The following RAB38 variants were observed in gnomAD, a reference collection of about 807,000 sequenced individuals.
RAB38 encodes RAB38, member RAS oncogene family.
A neutral mutation model predicts 18.4 loss-of-function variants in RAB38; 15 were observed. The ratio of observed to expected loss-of-function variants is 0.82; its 90% CI spans 0.55 to 1.26. The LOEUF is 1.26. Ranked by LOEUF, RAB38 falls within the 50% of genes most tolerant of loss-of-function variation. The pLI, the probability that RAB38 is intolerant of heterozygous loss-of-function variation, is 0.00. For synonymous variants in RAB38, 101 were observed against 104.4 expected (o/e 0.97, Z 0.20); for missense variants, 294 against 267.4 (o/e 1.10, Z -0.69).
the RAB38 span, among the ~76,000 whole-genome samples, chr11:87,977,496 AT>A: frequency 9.0e-6 from 1 of 111,574 alleles, no homozygotes; most frequent in East Asian, 2.6e-4. Context: ...ATATAATATA[AT>A]TTTATATGAT....
the RAB38 span, among the ~76,000 whole-genome samples, chr11:88,020,094 T>A: frequency 6.6e-6 from 1 of 152,168 alleles, no homozygotes; most frequent in African/African-American, 2.4e-5. Flanking sequence ...CCTCAAAGGT[T>A]CTCTAACTGA....
the RAB38 span, among the ~76,000 whole-genome samples, chr11:87,921,782 T>G: frequency 6.6e-6 from 1 of 151,742 alleles, no homozygotes; most frequent in African/African-American, 2.4e-5. Flanking sequence ...AAATATTGGT[T>G]GGTAGAGCCT....
chr11:87,863,125 G>C, the RAB38 span, among the ~76,000 whole-genome samples: 5 of 151,792 alleles, frequency 3.3e-5, no homozygotes, highest in Admixed American at 3.3e-4. Flanking sequence ...AGTGAGAAAA[G>C]AATGAATAGT....
chr11:87,857,621 T>G, the RAB38 span, among the ~76,000 whole-genome samples: 1 of 152,236 alleles, frequency 6.6e-6, no homozygotes, highest in African/African-American at 2.4e-5. Context: ...CCAGTGATGA[T>G]GAGAATTTTT....
At chr11:87,951,653 A>G in the RAB38 span, among the ~76,000 whole-genome samples, 2 of 152,120 alleles carry the variant, frequency 1.3e-5, no homozygotes, top group African/African-American at 4.8e-5. Context: ...GGAGTTTGCT[A>G]GAGGTCCACT....
chr11:87,858,031 AT>A, the RAB38 span, among the ~76,000 whole-genome samples: 2 of 152,068 alleles, frequency 1.3e-5, no homozygotes, highest in East Asian at 1.9e-4. Flanking sequence ...ACCTTGAATT[AT>A]TTTTTGTATA....
the RAB38 span, among the ~76,000 whole-genome samples, chr11:88,096,078 G>A: frequency 0.11 from 16,397 of 147,000 alleles, 1,351 homozygotes; most frequent in East Asian, 0.4. Flanking sequence ...TTAAAATTTC[G>A]GTTATATAAT....
the RAB38 span, among the ~76,000 whole-genome samples, chr11:87,919,508 T>A: frequency 3.3e-5 from 5 of 151,880 alleles, no homozygotes; most frequent in African/African-American, 1.2e-4. Flanking sequence ...TTGCTATTAT[T>A]TTGTTAAGAA....
At chr11:87,938,639 G>GGTT in the RAB38 span, among the ~76,000 whole-genome samples, 1 of 55,038 alleles carries the variant, frequency 1.8e-5, no homozygotes, top group Non-Finnish European at 3.2e-5. Context: ...TTTTGATTTT[G>GGTT]TTGTTGTTGT....
chr11:87,977,742 TTC>T, the RAB38 span, among the ~76,000 whole-genome samples: 2 of 9,784 alleles, frequency 2.0e-4, no homozygotes, highest in Admixed American at 2.4e-3. Context: ...ATGTTATATA[TTC>T]TATAATATAT....
the RAB38 span, among the ~76,000 whole-genome samples, chr11:87,918,868 A>T: frequency 3.4e-4 from 51 of 151,156 alleles, no homozygotes; most frequent in African/African-American, 1.2e-3. Context: ...AGAGCTTTTG[A>T]GTTTGGTGTG....
chr11:88,049,961 A>G, the RAB38 span: 1 of 152,214 alleles, frequency 6.6e-6, no homozygotes, highest in African/African-American at 2.4e-5. Flanking sequence ...TAATATTTAA[A>G]TACATTCTGC....
Position 88,113,989 on chromosome 11 carries a change from T to A in RAB38, c.635A>T (p.Ter212LeuextTer1). Reference protein sequence around the residue: ...VASCSGCAKS* With the variant: ...VASCSGCAKSL ...ACCAGACACCAGCAAAGGTGCCTAC[T>A]AGGATTTGGCACAGCCAGAGCAGCT... The change falls in exon 3 of 3, where the codon TAG (stop) becomes TTG (leucine). Residue 212 changes from the stop codon to leucine, a stop_lost. Transcript: ENST00000243662. 1 of 1,614,158 alleles carries A rather than the reference T, an allele frequency of 6.2e-7. No individual in the cohort carries two copies. Among genetic ancestry groups the A allele is most frequent in the Non-Finnish European group, 8.5e-7 (1 of 1,179,996 alleles).
At chr11:87,939,379 TACACACAC>T in the RAB38 span, among the ~76,000 whole-genome samples, 6,768 of 146,374 alleles carry the variant, frequency 0.046, 204 homozygotes, top group East Asian at 0.16. Flanking sequence ...CACACATACA[TACACACAC>T]ACACACACAC....
chr11:88,007,055 T>C, the RAB38 span, among the ~76,000 whole-genome samples: 4 of 151,930 alleles, frequency 2.6e-5, no homozygotes, highest in African/African-American at 9.7e-5. Flanking sequence ...ATATGCTAAT[T>C]ACCCTGATGT....
At chr11:87,858,315 C>T in the RAB38 span, among the ~76,000 whole-genome samples, 4 of 152,060 alleles carry the variant, frequency 2.6e-5, no homozygotes, top group African/African-American at 7.2e-5. Context: ...TTTGGACTCA[C>T]GTTGTCATTT....
the RAB38 span, among the ~76,000 whole-genome samples, chr11:87,950,690 C>A: frequency 3.3e-5 from 5 of 152,262 alleles, no homozygotes; most frequent in African/African-American, 1.2e-4. Context: ...AAATTCTTTT[C>A]TTTAAGAATC....
At chr11:87,894,459 G>A in the RAB38 span, among the ~76,000 whole-genome samples, 2 of 151,704 alleles carry the variant, frequency 1.3e-5, no homozygotes, top group African/African-American at 4.8e-5. Context: ...GAGCAGTTCC[G>A]ACATACTTTG....
the RAB38 span, among the ~76,000 whole-genome samples, chr11:87,967,088 A>T: frequency 4.6e-5 from 7 of 152,192 alleles, no homozygotes; most frequent in Non-Finnish European, 1.0e-4. Flanking sequence ...CAGTCAAATA[A>T]TTTGATTTTC....
Sources: gnomAD v4.1 joint callset for allele counts (sites outside exome capture counted in the v4.1 genomes callset) on GRCh38, gnomAD v4.1.1 for gene constraint, MANE v1.5 for transcripts, NCBI Gene and HGNC (gene_info 2026-07-23, HGNC 2026-07-21) for gene names.